The following LRTM1 variants were observed in gnomAD, a reference collection of about 807,000 sequenced individuals.
LRTM1 encodes leucine rich repeat transmembrane protein 1, also known as leucine-rich repeat and transmembrane domain-containing protein 1.
A neutral mutation model predicts 32.4 loss-of-function variants in LRTM1; 38 were observed. The ratio of observed to expected loss-of-function variants is 1.17; its 90% confidence interval spans 0.91 to 1.54. The LOEUF (loss-of-function observed/expected upper bound fraction) is 1.54, where lower values mean the gene tolerates loss of function less well. Among genes scored for constraint, LRTM1 ranks in the 40% most tolerant of loss-of-function variants. LRTM1 has a pLI of 0.00. For synonymous variants in LRTM1, 186 were observed against 169.9 expected (o/e 1.09, Z -0.74); for missense variants, 466 against 415.4 (o/e 1.12, Z -1.06).
chr3:54,918,347 TTTTTTTTTG>T lies in LRTM1; in HGVS notation c.*103_*111del. ...TTTTTTTTTTCTTTTTTTTTTTTTT[TTTTTTTTTG>T]TCTTTTGGCAAAAGCAAAATCAGAC... On this transcript the variant is annotated 3_prime_UTR_variant, in exon 3 of 3. Transcript: ENST00000273286. 7.7e-6 allele frequency: 3 copies of T among 389,686 alleles called. No homozygotes were observed. The highest frequency in any genetic ancestry group is 8.1e-6 in the Non-Finnish European group (2 of 245,588). 24.1% of individuals were successfully genotyped at this position (389,686 alleles called of 1,614,324 possible).
At chr3:54,931,376 T>C (rs1701187708), upstream of LRTM1, among the ~76,000 whole-genome samples, 1 of 152,184 alleles carries the variant, frequency 6.6e-6, no homozygotes, top group Non-Finnish European at 1.5e-5. Flanking sequence ...GCTGATTGAT[T>C]TATTCCATCT....
intron 1 of LRTM1, among the ~76,000 whole-genome samples, chr3:54,948,776 A>G (rs1701680751): frequency 6.6e-6 from 1 of 152,238 alleles, no homozygotes; most frequent in Admixed American, 6.5e-5. Flanking sequence ...ATACATGAAG[A>G]TAATTTGCTC....
intron 1 of LRTM1, among the ~76,000 whole-genome samples, chr3:54,944,293 T>A (rs928972929): frequency 2.0e-5 from 3 of 152,172 alleles, no homozygotes; most frequent in African/African-American, 7.2e-5. Context: ...ATTTTTTAGG[T>A]CTTTTTGTTT....
chr3:54,966,214 T>G (rs1702146379), intron 1 of LRTM1, among the ~76,000 whole-genome samples: 1 of 152,068 alleles, frequency 6.6e-6, no homozygotes, highest in African/African-American at 2.4e-5. Context: ...TCTGGGCTGT[T>G]GGAGGGAGAA....
rs150367716 is a variant in LRTM1, at chr3:54,953,539, A to G, written c.-222+13389T>C. On this transcript the variant is annotated intron_variant, in intron 1 of 2. Transcript: ENST00000493075. ...TGTGCGTAGAGGAAAAGTACCAGTC[A>G]TTACAACAAGGCCTCAGGAGACCTT... 9.7e-4 allele frequency among the ~76,000 whole-genome samples: 148 copies of G among 152,304 alleles called. 1 individual carries two copies. The South Asian group carries it at 0.011, about 11-fold the overall frequency.
chr3:54,932,791 T>C (rs1366048938), upstream of LRTM1, among the ~76,000 whole-genome samples: 1 of 152,120 alleles, frequency 6.6e-6, no homozygotes, highest in South Asian at 2.1e-4. Context: ...ATCCAAACCA[T>C]GTGGTATGGC....
chr3:54,933,056 CCTTCCTTCCTTCCTTCCTTCCTT>C (rs1701236689), upstream of LRTM1, among the ~76,000 whole-genome samples: 13 of 6,902 alleles, frequency 1.9e-3, 1 homozygote, highest in African/African-American at 2.8e-3. Context: ...TCCCTCCCTT[CCTTCCTTCCTTCCTTCCTTCCTT>C]CCTTCCTTCC....
intron 1 of LRTM1, among the ~76,000 whole-genome samples, chr3:54,954,482 C>A (rs527707866): frequency 6.6e-6 from 1 of 152,234 alleles, no homozygotes; most frequent in African/African-American, 2.4e-5. Flanking sequence ...GGTAGGAAGG[C>A]AGATGCCTGC....
chr3:54,964,494 C>G (rs1346782816), intron 1 of LRTM1, among the ~76,000 whole-genome samples: 1 of 151,996 alleles, frequency 6.6e-6, no homozygotes, highest in Non-Finnish European at 1.5e-5. Context: ...ATTAGCAAGA[C>G]TGACTTAAAT....
At chr3:54,942,387 G>C (rs1428074109) in intron 1 of LRTM1, among the ~76,000 whole-genome samples, 2 of 152,182 alleles carry the variant, frequency 1.3e-5, no homozygotes, top group African/African-American at 4.8e-5. Context: ...CTCCACGAGA[G>C]CATGCACACC....
chr3:54,965,989 A>G (rs1194095995), intron 1 of LRTM1, among the ~76,000 whole-genome samples: 2 of 152,128 alleles, frequency 1.3e-5, no homozygotes, highest in East Asian at 3.9e-4. Flanking sequence ...ATGAGGAAAG[A>G]TGAAAGCGCC....
intron 1 of LRTM1, among the ~76,000 whole-genome samples, chr3:54,950,145 G>T (rs1701721663): frequency 6.6e-6 from 1 of 152,244 alleles, no homozygotes; most frequent in Non-Finnish European, 1.5e-5. Context: ...TAAGTGAAAA[G>T]TAGGGAACTG....
Position 54,947,925 on chromosome 3 carries a change from G to A in LRTM1, c.-222+19003C>T, listed in dbSNP as rs531872119. Reference sequence around the variant, plus strand: ...CTGCAGCTGCCTCCAGAGCAACATGGCCTCTGTCTCTTTGCTGCCTTCTAA... The same window carrying A: ...CTGCAGCTGCCTCCAGAGCAACATGACCTCTGTCTCTTTGCTGCCTTCTAA... On this transcript the variant is annotated intron_variant, in intron 1 of 2. Transcript: ENST00000493075. Among the ~76,000 whole-genome samples the A allele has an allele frequency of 4.6e-5, 7 of 152,254 alleles. No individual in the cohort carries two copies. In the South Asian group the frequency reaches 1.2e-3, roughly 27 times the overall value.
upstream of LRTM1, among the ~76,000 whole-genome samples, chr3:54,931,952 G>A (rs1157814765): frequency 6.6e-6 from 1 of 152,120 alleles, no homozygotes; most frequent in Non-Finnish European, 1.5e-5. Context: ...AGGCTAAGGT[G>A]GGTGGATCAC....
intron 1 of LRTM1, among the ~76,000 whole-genome samples, chr3:54,938,758 G>T (rs1243920751): frequency 6.6e-6 from 1 of 152,120 alleles, no homozygotes; most frequent in Non-Finnish European, 1.5e-5. Context: ...AAATTTGAGA[G>T]CATGTTGAAA....
chr3:54,927,389 A>G (rs1701052641), intron 1 of LRTM1, among the ~76,000 whole-genome samples: 2 of 152,172 alleles, frequency 1.3e-5, no homozygotes, highest in Admixed American at 6.5e-5. Context: ...ATAATTTTGC[A>G]AATAATCTAA....
intron 1 of LRTM1, among the ~76,000 whole-genome samples, chr3:54,940,347 A>G (rs893224703): frequency 3.3e-5 from 5 of 152,242 alleles, no homozygotes; most frequent in Non-Finnish European, 5.9e-5. Context: ...ACTTCCCTGT[A>G]GTATAGTATA....
upstream of LRTM1, among the ~76,000 whole-genome samples, chr3:54,928,350 A>G (rs1417340240): frequency 6.6e-6 from 1 of 152,162 alleles, no homozygotes; most frequent in African/African-American, 2.4e-5. Context: ...TGCCTTCTTA[A>G]TCCGGCTGTG....
chr3:54,934,541 G>C (rs970406999), intron 1 of LRTM1, among the ~76,000 whole-genome samples: 1 of 152,134 alleles, frequency 6.6e-6, no homozygotes, highest in Non-Finnish European at 1.5e-5. Context: ...TAAAATTAGT[G>C]GAGTAGTGGG....
Sources: allele counts gnomAD v4.1 joint callset (sites outside exome capture counted in the v4.1 genomes callset), GRCh38; gene constraint gnomAD v4.1.1; transcripts MANE v1.5; gene names NCBI Gene and HGNC (gene_info 2026-07-23, HGNC 2026-07-21).